The following HS3ST4 variants were observed in gnomAD, a reference collection of about 807,000 sequenced individuals.
HS3ST4 encodes heparan sulfate-glucosamine 3-sulfotransferase 4, also known as heparan sulfate glucosamine 3-O-sulfotransferase 4.
Under a neutral mutation model 29.2 loss-of-function variants are expected in HS3ST4, and 17 were observed. That is an observed-to-expected ratio of 0.58 (90% CI 0.40 to 0.87). The LOEUF is 0.87. Ranked by LOEUF, HS3ST4 falls within the 40% of genes least tolerant of loss-of-function variation. The pLI, the probability that HS3ST4 is intolerant of heterozygous loss-of-function variation, is 0.00. For missense variants in HS3ST4, 627 were observed against 634.5 expected (o/e 0.99, Z 0.13); for synonymous variants, 314 against 285.7 (o/e 1.10, Z -1.00).
chr16:25,887,413 G>A (rs1021107554), intron 1 of HS3ST4, among the ~76,000 whole-genome samples: 3 of 151,930 alleles, frequency 2.0e-5, no homozygotes, highest in Admixed American at 6.5e-5. Context: ...CTCACTAAAG[G>A]GCTAGGAAGG....
intron 1 of HS3ST4, among the ~76,000 whole-genome samples, chr16:25,782,766 A>G (rs929427843): frequency 5.3e-5 from 8 of 152,334 alleles, no homozygotes; most frequent in Admixed American, 2.0e-4. Context: ...CTCTTTTAAA[A>G]TTAATGAGAT....
At chr16:25,707,694 C>T (rs759784438) in intron 1 of HS3ST4, among the ~76,000 whole-genome samples, 7 of 152,204 alleles carry the variant, frequency 4.6e-5, no homozygotes, top group Non-Finnish European at 5.9e-5. Flanking sequence ...TAGCCACATT[C>T]AGTTGCCTTA....
At chr16:26,119,054 TTAGAG>T (rs1899237131) in intron 1 of HS3ST4, among the ~76,000 whole-genome samples, 1 of 152,104 alleles carries the variant, frequency 6.6e-6, no homozygotes, top group Non-Finnish European at 1.5e-5. Flanking sequence ...ATTCTTATCG[TTAGAG>T]TATTCATTTT....
chr16:25,883,145 ATTT>A lies in HS3ST4; in HGVS notation c.734+190014_734+190016del, dbSNP rs10581302. On this transcript the variant is annotated intron_variant, in intron 1 of 1. Coordinates refer to ENST00000331351, the MANE Select transcript of HS3ST4 (RefSeq NM_006040.3). ...CTGCTGCTTCTCTCTGGCCCATACG[ATTT>A]TTTTTTTTTTTTTTTTTTTCAGACA... Among the ~76,000 whole-genome samples, 860 of 141,992 alleles carry A rather than the reference ATTT, an allele frequency of 6.1e-3. 4 individuals carry two copies. Among genetic ancestry groups the A allele is most frequent in the African/African-American group, 0.021 (804 of 38,722 alleles). 93.2% of individuals were successfully genotyped at this position (141,992 alleles called of 152,430 possible).
intron 1 of HS3ST4, among the ~76,000 whole-genome samples, chr16:25,962,942 A>G (rs1184332686): frequency 1.3e-5 from 2 of 152,186 alleles, no homozygotes; most frequent in South Asian, 2.1e-4. Context: ...TATTACTATG[A>G]GTGCCATTAC....
intron 1 of HS3ST4, among the ~76,000 whole-genome samples, chr16:25,732,678 G>A (rs1966578423): frequency 6.6e-6 from 1 of 152,136 alleles, no homozygotes; most frequent in South Asian, 2.1e-4. Flanking sequence ...TGATTTAACA[G>A]CAACAACAAT....
At position 26,033,532 on chromosome 16, in the gene HS3ST4, GAAAAC is replaced by G. The variant is rs545408446; in HGVS notation, c.735-102055_735-102051del. On this transcript the variant is annotated intron_variant, in intron 1 of 1. Transcript: ENST00000331351. Reference sequence around the variant, plus strand: ...TCTGTCTCAAAAAAAAAAAAAAAAGGAAAACAAAACAAAACAAAACAAAACAAAAA... The same window carrying G: ...TCTGTCTCAAAAAAAAAAAAAAAAGGAAAACAAAACAAAACAAAACAAAAA... Among the ~76,000 whole-genome samples, 688 of 147,262 alleles carry G rather than the reference GAAAAC, an allele frequency of 4.7e-3. 2 individuals are homozygous for G. Among genetic ancestry groups the G allele is most frequent in the African/African-American group, 0.015 (605 of 40,238 alleles).
chr16:25,703,209 A>G (rs1360595151), intron 1 of HS3ST4, among the ~76,000 whole-genome samples: 2 of 152,148 alleles, frequency 1.3e-5, no homozygotes, highest in Non-Finnish European at 2.9e-5. Flanking sequence ...ACATTAGTCA[A>G]TGTGGATGCA....
intron 1 of HS3ST4, among the ~76,000 whole-genome samples, chr16:26,108,884 A>G (rs1299543969): frequency 6.6e-6 from 1 of 152,154 alleles, no homozygotes; most frequent in East Asian, 1.9e-4. Context: ...ATGAATGAAT[A>G]AACGTATGTT....
intron 1 of HS3ST4, among the ~76,000 whole-genome samples, chr16:25,728,422 G>A (rs1243997289): frequency 6.6e-6 from 1 of 152,158 alleles, no homozygotes; most frequent in Non-Finnish European, 1.5e-5. Flanking sequence ...ATTTTGATTT[G>A]CAAAGAACAT....
chr16:26,005,732 G>GAA (rs539885852), intron 1 of HS3ST4, among the ~76,000 whole-genome samples: 16 of 127,792 alleles, frequency 1.3e-4, no homozygotes, highest in African/African-American at 3.2e-4. Context: ...TTTACTGTGT[G>GAA]AAAAAAAAAA....
chr16:26,049,748 C>G (rs1028485709), intron 1 of HS3ST4, among the ~76,000 whole-genome samples: 1 of 152,198 alleles, frequency 6.6e-6, no homozygotes, highest in Non-Finnish European at 1.5e-5. Flanking sequence ...ACCTGTGCCT[C>G]TAACCGGTTG....
chr16:25,771,566 C>G (rs896843235), intron 1 of HS3ST4, among the ~76,000 whole-genome samples: 1 of 152,092 alleles, frequency 6.6e-6, no homozygotes, highest in Non-Finnish European at 1.5e-5. Flanking sequence ...GGAAGCCTTC[C>G]TTATCTTCTG....
intron 1 of HS3ST4, among the ~76,000 whole-genome samples, chr16:26,007,247 T>G (rs1196788442): frequency 6.6e-6 from 1 of 152,220 alleles, no homozygotes; most frequent in African/African-American, 2.4e-5. Context: ...CCCTCATTAC[T>G]GTGTTTTTCT....
chr16:25,831,396 T>TAAACAC (rs1555467764), intron 1 of HS3ST4, among the ~76,000 whole-genome samples: 1 of 126,074 alleles, frequency 7.9e-6, no homozygotes, highest in African/African-American at 3.1e-5. Context: ...ACCCCGTCTC[T>TAAACAC]ACACACACAC....
chr16:25,980,437 T>C (rs908724202), intron 1 of HS3ST4, among the ~76,000 whole-genome samples: 2 of 152,118 alleles, frequency 1.3e-5, no homozygotes, highest in Admixed American at 1.3e-4. Flanking sequence ...CTCTTTTTGA[T>C]CTCTTGACAC....
chr16:25,918,803 C>T (rs1037546725), intron 1 of HS3ST4, among the ~76,000 whole-genome samples: 6 of 152,060 alleles, frequency 3.9e-5, no homozygotes, highest in Non-Finnish European at 5.9e-5. Flanking sequence ...AAGACTCCGT[C>T]TCAAAAAAAC....
At chr16:25,960,572 G>A (rs1319513830) in intron 1 of HS3ST4, among the ~76,000 whole-genome samples, 1 of 152,158 alleles carries the variant, frequency 6.6e-6, no homozygotes, top group African/African-American at 2.4e-5. Context: ...TCTCATCCTG[G>A]AAGAACTGTG....
Position 25,697,345 on chromosome 16 carries a change from T to C in HS3ST4, c.734+4194T>C, listed in dbSNP as rs140449465. Among the ~76,000 whole-genome samples the C allele has an allele frequency of 5.8e-3, 882 of 152,344 alleles. 42 individuals are homozygous for C. The highest frequency in any genetic ancestry group is 0.039 in the Admixed American group (602 of 15,302). On this transcript the variant is annotated intron_variant, in intron 1 of 1. Coordinates refer to ENST00000331351, the MANE Select transcript of HS3ST4 (RefSeq NM_006040.3). ...TGGCCCAGAGCTGTTTTGTCTAGTATGGTAGCTACTGTCTGTATGTGGCTA... is the reference window on the plus strand; with the variant it reads ...TGGCCCAGAGCTGTTTTGTCTAGTACGGTAGCTACTGTCTGTATGTGGCTA...
Sources: allele counts gnomAD v4.1 joint callset (sites outside exome capture counted in the v4.1 genomes callset), GRCh38; gene constraint gnomAD v4.1.1; transcripts MANE v1.5; gene names NCBI Gene and HGNC (gene_info 2026-07-23, HGNC 2026-07-21).